USH2A: variants seen among roughly 807,000 people sequenced by gnomAD.
USH2A encodes Usher syndrome 2A (autosomal recessive, mild).
A neutral mutation model predicts 538.9 loss-of-function variants in USH2A; 443 were observed. The ratio of observed to expected loss-of-function variants is 0.82; its 90% CI spans 0.76 to 0.89. The LOEUF (loss-of-function observed/expected upper bound fraction) is 0.89, where lower values mean the gene tolerates loss of function less well. Ranked by LOEUF, USH2A falls within the 40% of genes least tolerant of loss-of-function variation. The pLI is 0.00. For missense variants in USH2A, 6,633 were observed against 6,324.8 expected, an observed-to-expected ratio of 1.05 and a Z score of -1.65; for synonymous variants, 2,413 against 2,273.5, an observed-to-expected ratio of 1.06 and a Z score of -1.75.
intron 21 of USH2A, among the ~76,000 whole-genome samples, chr1:216,120,675 G>A (rs1244311838): frequency 4.0e-5 from 6 of 151,856 alleles, no homozygotes; most frequent in African/African-American, 9.7e-5. Flanking sequence ...CACCGCACCC[G>A]GCCTCGTCTC....
rs781292189 is a variant in USH2A, at chr1:216,251,439, C to T, written c.1972-341G>A. ...TAATTTAGTCTTTAGGACACCACTT[C>T]CCCTTTTTTTTTTTTTTTTTTTTTT... On this transcript the variant is annotated intron_variant, in intron 11 of 71. Transcript: ENST00000307340. 1.3e-4 allele frequency among the ~76,000 whole-genome samples: 16 copies of T among 126,624 alleles called. 1 individual carries two copies. The highest frequency in any genetic ancestry group is 3.5e-4 in the African/African-American group (13 of 37,418). 83.1% of individuals were successfully genotyped at this position (126,624 alleles called of 152,430 possible).
intron 71 of USH2A, among the ~76,000 whole-genome samples, chr1:215,626,989 T>G (rs1471193722): frequency 1.3e-5 from 2 of 152,206 alleles, no homozygotes; most frequent in African/African-American, 4.8e-5. Context: ...AAACTTTAGA[T>G]CTGAAATGGA....
At chr1:215,645,952 T>G (rs987002823) in intron 67 of USH2A, among the ~76,000 whole-genome samples, 1 of 152,196 alleles carries the variant, frequency 6.6e-6, no homozygotes, top group African/African-American at 2.4e-5. Context: ...CCCAATTAAT[T>G]TATATATGGA....
chr1:215,845,518 TA>T (rs936591034), intron 45 of USH2A, among the ~76,000 whole-genome samples: 11 of 151,302 alleles, frequency 7.3e-5, no homozygotes, highest in African/African-American at 2.2e-4. Context: ...GGGCAAATCT[TA>T]AAAAAAAAGT....
chr1:215,636,054 C>T (rs751293773), intron 69 of USH2A, among the ~76,000 whole-genome samples: 2 of 152,098 alleles, frequency 1.3e-5, no homozygotes, highest in Admixed American at 6.6e-5. Context: ...TCTGATGCAG[C>T]GGCCACACAG....
At chr1:216,023,645 T>C (rs1251458252) in intron 32 of USH2A, among the ~76,000 whole-genome samples, 4 of 151,812 alleles carry the variant, frequency 2.6e-5, no homozygotes, top group Non-Finnish European at 4.4e-5. Context: ...TGGAAGATAA[T>C]TTATCTGAAT....
chr1:216,214,991 A>G (rs1401407631), intron 15 of USH2A, among the ~76,000 whole-genome samples: 1 of 152,100 alleles, frequency 6.6e-6, no homozygotes, highest in African/African-American at 2.4e-5. Flanking sequence ...CCTATCAAGA[A>G]GAATGACTAT....
At chr1:216,377,431 C>T (rs779711561) in intron 3 of USH2A, among the ~76,000 whole-genome samples, 3 of 152,138 alleles carry the variant, frequency 2.0e-5, no homozygotes, top group South Asian at 2.1e-4. Context: ...TAGGTATTTA[C>T]GGGTCAAATG....
intron 21 of USH2A, among the ~76,000 whole-genome samples, chr1:216,109,153 A>G (rs421821): frequency 0.67 from 101,317 of 152,018 alleles, 34,695 homozygotes; most frequent in East Asian, 0.98. Context: ...ATCATGGCAA[A>G]ATTTCATAGG....
chr1:215,934,151 T>C (rs1666433114), intron 38 of USH2A, among the ~76,000 whole-genome samples: 1 of 152,060 alleles, frequency 6.6e-6, no homozygotes, highest in South Asian at 2.1e-4. Flanking sequence ...TATTCTATCA[T>C]CTGCACCCTG....
intron 4 of USH2A, among the ~76,000 whole-genome samples, chr1:216,340,139 A>G (rs546907428): frequency 3.2e-4 from 49 of 152,054 alleles, no homozygotes; most frequent in African/African-American, 1.2e-3. Flanking sequence ...AAATAGACAC[A>G]TAAAAAATGA....
At chr1:215,844,661 T>C (rs1300565474) in intron 45 of USH2A, among the ~76,000 whole-genome samples, 165 bp from the exon 46 acceptor site, 2 of 152,236 alleles carry the variant, frequency 1.3e-5, no homozygotes, top group African/African-American at 4.8e-5. Context: ...TGGCTTATTA[T>C]ACTCTCAGTT....
At chr1:216,080,867 G>C (rs915496279) in intron 26 of USH2A, among the ~76,000 whole-genome samples, 2 of 151,684 alleles carry the variant, frequency 1.3e-5, no homozygotes, top group African/African-American at 4.8e-5. Context: ...CGGTCAAGTT[G>C]ATAGAGAGAC....
intron 11 of USH2A, among the ~76,000 whole-genome samples, chr1:216,254,399 A>C (rs1286268818): frequency 2.6e-5 from 4 of 152,080 alleles, no homozygotes; most frequent in Admixed American, 2.0e-4. Flanking sequence ...AAAGAGAGAA[A>C]GGCATTCCCC....
intron 21 of USH2A, among the ~76,000 whole-genome samples, chr1:216,098,600 G>A (rs549526843): frequency 6.6e-6 from 1 of 152,252 alleles, no homozygotes; most frequent in South Asian, 2.1e-4. Flanking sequence ...CAGGAAAGCA[G>A]ATATCATTTG....
At chr1:216,259,609 C>T (rs2036327915) in intron 11 of USH2A, among the ~76,000 whole-genome samples, 1 of 151,942 alleles carries the variant, frequency 6.6e-6, no homozygotes, top group Non-Finnish European at 1.5e-5. Context: ...AAAATTAAGA[C>T]ACGATTTATC....
chr1:215,880,444 C>T (rs1046504466), intron 41 of USH2A, among the ~76,000 whole-genome samples: 3 of 152,088 alleles, frequency 2.0e-5, no homozygotes, highest in African/African-American at 7.2e-5. Context: ...CATTGTGAAT[C>T]TTAAAAAAAC....
At chr1:216,146,040 G>A (rs185431495) in intron 21 of USH2A, among the ~76,000 whole-genome samples, 48 of 152,138 alleles carry the variant, frequency 3.2e-4, no homozygotes, top group Non-Finnish European at 5.3e-4. Context: ...CTCTTCACAC[G>A]GACGCGCATG....
chr1:215,990,448 G>A (rs150226408), intron 35 of USH2A, among the ~76,000 whole-genome samples: 99 of 152,208 alleles, frequency 6.5e-4, no homozygotes, highest in African/African-American at 1.6e-3. Flanking sequence ...ATATTATTGC[G>A]TACCAATAAA....
Sources: gnomAD v4.1 joint callset for allele counts (sites outside exome capture counted in the v4.1 genomes callset) on GRCh38, gnomAD v4.1.1 for gene constraint, MANE v1.5 for transcripts, NCBI Gene and HGNC (gene_info 2026-07-23, HGNC 2026-07-21) for gene names.